The following FAM117A variants were observed in gnomAD, a reference collection of about 807,000 sequenced individuals.
FAM117A encodes protein FAM117A.
A neutral mutation model predicts 44.1 loss-of-function variants in FAM117A; 21 were observed. The observed-to-expected ratio is 0.48, with a 90% CI of 0.34 to 0.69. The LOEUF (loss-of-function observed/expected upper bound fraction) is 0.69, where lower values mean the gene tolerates loss of function less well. Among genes scored for constraint, FAM117A ranks in the 30% least tolerant of loss-of-function variants. The pLI, the probability that FAM117A is intolerant of heterozygous loss-of-function variation, is 0.01. For synonymous variants in FAM117A, 220 were observed against 238.3 expected (o/e 0.92, Z 0.71); for missense variants, 498 against 589.9 (o/e 0.84, Z 1.61).
intron 6 of FAM117A, among the ~76,000 whole-genome samples, chr17:49,716,843 C>T (rs1052506722): frequency 6.6e-6 from 1 of 152,194 alleles, no homozygotes; most frequent in African/African-American, 2.4e-5. Flanking sequence ...TTGACTTTAT[C>T]TGTATTTATC....
At chr17:49,760,564 T>G (rs2073718870) in intron 1 of FAM117A, among the ~76,000 whole-genome samples, 1 of 152,182 alleles carries the variant, frequency 6.6e-6, no homozygotes, top group South Asian at 2.1e-4. Flanking sequence ...TTAAAGAAGG[T>G]TCTGGTGGTC....
intron 7 of FAM117A, among the ~76,000 whole-genome samples, chr17:49,711,811 G>T (rs985376276): frequency 2.0e-5 from 3 of 152,206 alleles, no homozygotes; most frequent in African/African-American, 7.2e-5. Flanking sequence ...CTGACAATGT[G>T]ATTCAAGAAG....
chr17:49,770,012 C>G lies in FAM117A; in HGVS notation c.-621+18485G>C, dbSNP rs182752698. Among the ~76,000 whole-genome samples, 160 of 152,206 alleles carry G rather than the reference C, an allele frequency of 1.1e-3. 1 individual carries two copies. The highest frequency in any genetic ancestry group is 3.1e-4 in the Non-Finnish European group (21 of 68,016). On this transcript the variant is annotated intron_variant, in intron 1 of 7. Transcript: ENST00000513602. ...TAGGACCAGGCATGGTGGCTCACAC[C>G]TGTAATCCCACTACTTTGGGAGGCC...
chr17:49,746,162 CACATAT>C (rs1428453002), intron 1 of FAM117A, among the ~76,000 whole-genome samples: 1 of 152,050 alleles, frequency 6.6e-6, no homozygotes, highest in African/African-American at 2.4e-5. Context: ...TGTCTAGACA[CACATAT>C]ACATAAACAG....
At chr17:49,713,601 G>GAGAATT (rs1450723598) in intron 7 of FAM117A, among the ~76,000 whole-genome samples, 1 of 151,870 alleles carries the variant, frequency 6.6e-6, no homozygotes, top group Admixed American at 6.6e-5. Context: ...CCACCTCCTG[G>GAGAATT]GCTCAAGCAA....
chr17:49,719,594 A>G lies in FAM117A; in HGVS notation c.708+166T>C, dbSNP rs1485716907. ...TAGTGACATGGGTTAAGGCCATTTG[A>G]GACTAATAAACTCCATTTGCATTCC... On this transcript the variant is annotated intron_variant, in intron 5 of 7. Coordinates refer to ENST00000240364, the MANE Select transcript of FAM117A (RefSeq NM_030802.4). 3.6e-6 allele frequency: 3 copies of G among 834,894 alleles called. No homozygotes were observed. In the African/African-American group the frequency reaches 5.3e-5, roughly 15 times the overall value. 51.7% of individuals were successfully genotyped at this position (834,894 alleles called of 1,614,324 possible). A position where few individuals can be genotyped will look rare whatever the true frequency, so the allele number is the denominator to read the frequency against.
upstream of FAM117A, among the ~76,000 whole-genome samples, chr17:49,768,869 G>A (rs974237254): frequency 1.3e-5 from 2 of 152,126 alleles, no homozygotes; most frequent in African/African-American, 4.8e-5. Context: ...CCTTGCTGTG[G>A]CCCACGACAT....
At chr17:49,767,333 C>T (rs976700742), upstream of FAM117A, among the ~76,000 whole-genome samples, 1 of 152,214 alleles carries the variant, frequency 6.6e-6, no homozygotes, top group African/African-American at 2.4e-5. Flanking sequence ...TGCCACTGCC[C>T]TTACTGTCAT....
chr17:49,727,767 C>T (rs747556921), intron 2 of FAM117A, among the ~76,000 whole-genome samples: 29 of 152,360 alleles, frequency 1.9e-4, no homozygotes, highest in Admixed American at 4.6e-4. Context: ...TACCTAGACT[C>T]CATGACCACA....
upstream of FAM117A, among the ~76,000 whole-genome samples, chr17:49,764,491 G>C (rs1196329411): frequency 6.6e-6 from 1 of 152,154 alleles, no homozygotes; most frequent in African/African-American, 2.4e-5. Context: ...GCTGGAGAGT[G>C]GGCGCGGCGC....
intron 1 of FAM117A, among the ~76,000 whole-genome samples, chr17:49,777,440 T>A (rs1440192071): frequency 1.3e-5 from 2 of 152,080 alleles, no homozygotes; most frequent in Non-Finnish European, 2.9e-5. Context: ...TCTGGTAGTA[T>A]CTTGTATGAG....
At chr17:49,732,743 C>G (rs191416134) in intron 1 of FAM117A, 23 bp from the exon 2 acceptor site, 2 of 1,607,340 alleles carry the variant, frequency 1.2e-6, no homozygotes, top group South Asian at 2.2e-5. Flanking sequence ...ACAGCCCGCA[C>G]GCCTTGCCAT....
chr17:49,782,661 G>A (rs1283359587), intron 1 of FAM117A, among the ~76,000 whole-genome samples: 1 of 141,854 alleles, frequency 7.0e-6, no homozygotes. Flanking sequence ...CTGCACTCCA[G>A]TCTGGGTGAC....
At chr17:49,743,484 C>A (rs1405521899) in intron 1 of FAM117A, among the ~76,000 whole-genome samples, 3 of 152,194 alleles carry the variant, frequency 2.0e-5, no homozygotes, top group Non-Finnish European at 4.4e-5. Flanking sequence ...AATCCCAGCA[C>A]TCTGGGAGGC....
chr17:49,724,855 GAAA>G (rs1211964009), intron 2 of FAM117A, among the ~76,000 whole-genome samples: 2 of 147,448 alleles, frequency 1.4e-5, no homozygotes, highest in African/African-American at 5.0e-5. Context: ...AAAGAAAAAA[GAAA>G]AAAAAGAAAA....
chr17:49,760,049 A>G lies in FAM117A; in HGVS notation c.196+3843T>C, dbSNP rs117739242. Among the ~76,000 whole-genome samples the G allele has an allele frequency of 8.5e-4, 129 of 152,264 alleles. 1 individual carries two copies. In the East Asian group the frequency reaches 0.014, roughly 17 times the overall value. ...TGGGTTAAGAGAGGAGAGGGGGCAA[A>G]TTTGCCTAACAGTTAAGCTTTTATA... On this transcript the variant is annotated intron_variant, in intron 1 of 7. Transcript: ENST00000240364.
At chr17:49,787,850 C>T (rs2073825454) in intron 1 of FAM117A, among the ~76,000 whole-genome samples, 1 of 152,194 alleles carries the variant, frequency 6.6e-6, no homozygotes, top group Non-Finnish European at 1.5e-5. Context: ...CCTTCCTCTT[C>T]CTCCGCCTCG....
chr17:49,769,567 G>T (rs1189072284), intron 1 of FAM117A, among the ~76,000 whole-genome samples: 2 of 151,976 alleles, frequency 1.3e-5, no homozygotes, highest in African/African-American at 4.8e-5. Flanking sequence ...GGGCATGGTG[G>T]CGGGCGCCTG....
upstream of FAM117A, among the ~76,000 whole-genome samples, chr17:49,767,121 T>C (rs1424552041): frequency 4.6e-5 from 7 of 152,172 alleles, no homozygotes; most frequent in Non-Finnish European, 7.4e-5. Context: ...AGGTATCATG[T>C]CCAACCAGCT....
Sources: allele counts gnomAD v4.1 joint callset (sites outside exome capture counted in the v4.1 genomes callset), GRCh38; gene constraint gnomAD v4.1.1; transcripts MANE v1.5; gene names NCBI Gene and HGNC (gene_info 2026-07-23, HGNC 2026-07-21).